Variants in FNBP1L observed in about 807,000 individuals in gnomAD.
FNBP1L encodes the protein formin-binding protein 1-like.
A neutral mutation model predicts 91.2 loss-of-function variants in FNBP1L; 36 were observed. The observed-to-expected ratio is 0.39, with a 90% CI of 0.30 to 0.52. FNBP1L has a LOEUF of 0.52. FNBP1L is among the 20% of genes least tolerant of loss of function. The pLI is 0.66. For missense variants in FNBP1L, 571 were observed against 732.1 expected, an observed-to-expected ratio of 0.78 and a Z score of 2.54; for synonymous variants, 242 against 237.0, an observed-to-expected ratio of 1.02 and a Z score of -0.19.
chr1:93,539,234 A>G (rs1459110534), intron 10 of FNBP1L, among the ~76,000 whole-genome samples: 2 of 152,012 alleles, frequency 1.3e-5, no homozygotes, highest in Non-Finnish European at 2.9e-5. Context: ...ATTTTGTCCT[A>G]TTTAAAATGA....
At position 93,533,204 on chromosome 1, in the gene FNBP1L, C is replaced by A; in HGVS notation, c.786+136C>A. On this transcript the variant is annotated intron_variant, in intron 8 of 16. Transcript: ENST00000271234. ...TTATATTCTGTAGAAGAATGTCTTGCAATAGATTCCTTTGAGTTCTGAGAT... is the reference window on the plus strand; with the variant it reads ...TTATATTCTGTAGAAGAATGTCTTGAAATAGATTCCTTTGAGTTCTGAGAT... The A allele has an allele frequency of 1.2e-5, 7 of 581,354 alleles. No individual in the cohort carries two copies. In the East Asian group the frequency reaches 2.2e-4, roughly 18 times the overall value. The allele number at this position is 581,354 out of a possible 1,614,324, so 36.0% of individuals were successfully genotyped here.
Position 93,552,461 on chromosome 1 carries a change from T to C in FNBP1L, c.*45T>C, listed in dbSNP as rs760628823. ...GGGCAAGATGTTGAAGGAGGTTACATGCAGCTGCTTTTGGGGGAGGGTATT... is the reference window on the plus strand; with the variant it reads ...GGGCAAGATGTTGAAGGAGGTTACACGCAGCTGCTTTTGGGGGAGGGTATT... On this transcript the variant is annotated 3_prime_UTR_variant, in exon 17 of 17. Coordinates refer to ENST00000271234, the MANE Select transcript of FNBP1L (RefSeq NM_001164473.3). 52 of 1,609,980 alleles carry C rather than the reference T, an allele frequency of 3.2e-5. No homozygotes were observed. In the East Asian group the frequency reaches 8.9e-4, roughly 28 times the overall value.
chr1:93,468,533 C>A (rs1479329626), intron 1 of FNBP1L, among the ~76,000 whole-genome samples: 1 of 152,180 alleles, frequency 6.6e-6, no homozygotes, highest in African/African-American at 2.4e-5. Context: ...TGGGTTCAAG[C>A]GATCCTCCCA....
intron 16 of FNBP1L, chr1:93,551,707 TAGATTTAAAG>T: frequency 1.0e-6 from 1 of 984,892 alleles, no homozygotes; most frequent in Non-Finnish European, 1.2e-6. Flanking sequence ...TCTATTTAAG[TAGATTTAAAG>T]AGAGTTTCAA....
At chr1:93,456,295 C>T (rs1444770971) in intron 1 of FNBP1L, among the ~76,000 whole-genome samples, 6 of 152,150 alleles carry the variant, frequency 3.9e-5, no homozygotes, top group African/African-American at 1.4e-4. Flanking sequence ...AACTAATCAG[C>T]AGACTTTACA....
chr1:93,453,679 A>G (rs1474793745), intron 1 of FNBP1L, among the ~76,000 whole-genome samples: 1 of 152,196 alleles, frequency 6.6e-6, no homozygotes, highest in Non-Finnish European at 1.5e-5. Context: ...GAATATATCT[A>G]TAGAATATTA....
chr1:93,514,095 C>G (rs887089367), intron 2 of FNBP1L, among the ~76,000 whole-genome samples: 3 of 151,416 alleles, frequency 2.0e-5, no homozygotes, highest in Admixed American at 6.6e-5. Flanking sequence ...AATCAATGTA[C>G]AAAAATCACA....
rs968447816 is a variant in FNBP1L, at chr1:93,526,965, A to G, written c.405+2642A>G. ...CTCTGAACTCAGTTTCAGAGAATGA[A>G]ATGTGGAAGCTTAATTTTCATAGCA... On this transcript the variant is annotated intron_variant, in intron 5 of 16. Coordinates refer to ENST00000271234, the MANE Select transcript of FNBP1L (RefSeq NM_001164473.3). Among the ~76,000 whole-genome samples the G allele has an allele frequency of 5.9e-5, 9 of 152,160 alleles. No individual in the cohort carries two copies. The South Asian group carries it at 8.3e-4, about 14-fold the overall frequency.
intron 1 of FNBP1L, among the ~76,000 whole-genome samples, chr1:93,479,133 C>T (rs1217638511): frequency 6.6e-6 from 1 of 152,184 alleles, no homozygotes; most frequent in Non-Finnish European, 1.5e-5. Flanking sequence ...TACAGCTGGG[C>T]CGCTGGGGGT....
intron 12 of FNBP1L, among the ~76,000 whole-genome samples, chr1:93,546,629 T>C (rs1336280148): frequency 6.6e-6 from 1 of 152,150 alleles, no homozygotes. Context: ...CTCTGTTCTC[T>C]TTTGGTATTC....
At chr1:93,516,594 G>T (rs1671126300) in intron 2 of FNBP1L, among the ~76,000 whole-genome samples, 1 of 152,100 alleles carries the variant, frequency 6.6e-6, no homozygotes. Flanking sequence ...GGTGAGGTCA[G>T]GAGTTTGAGA....
At chr1:93,492,917 A>G (rs367853086) in intron 1 of FNBP1L, among the ~76,000 whole-genome samples, 2 of 152,218 alleles carry the variant, frequency 1.3e-5, no homozygotes, top group African/African-American at 2.4e-5. Context: ...AACGTAAACA[A>G]TGTTTATTAA....
intron 7 of FNBP1L, among the ~76,000 whole-genome samples, chr1:93,532,205 A>G (rs1370311614): frequency 7.5e-6 from 1 of 134,146 alleles, no homozygotes; most frequent in Non-Finnish European, 1.8e-5. Context: ...GCAGTGGCTC[A>G]CGCCTGTAAT....
At chr1:93,451,274 T>A (rs1048144534) in intron 1 of FNBP1L, among the ~76,000 whole-genome samples, 2 of 152,228 alleles carry the variant, frequency 1.3e-5, no homozygotes, top group Non-Finnish European at 2.9e-5. Context: ...AGCTTTTTTT[T>A]AACAGATAGG....
intron 1 of FNBP1L, among the ~76,000 whole-genome samples, chr1:93,479,333 TAAC>T (rs921076395): frequency 1.3e-5 from 2 of 152,112 alleles, no homozygotes; most frequent in Admixed American, 6.5e-5. Context: ...AAAGCAAAGA[TAAC>T]AAGGCAAAGG....
At chr1:93,532,512 G>T (rs1327846007) in intron 7 of FNBP1L, among the ~76,000 whole-genome samples, 1 of 130,592 alleles carries the variant, frequency 7.7e-6, no homozygotes, top group South Asian at 2.8e-4. Context: ...TATATGTTAT[G>T]GGCCAGTTGC....
At chr1:93,525,703 A>G (rs1671471237) in intron 5 of FNBP1L, among the ~76,000 whole-genome samples, 3 of 152,276 alleles carry the variant, frequency 2.0e-5, no homozygotes, top group Non-Finnish European at 4.4e-5. Flanking sequence ...TAGAGGTCAT[A>G]AGAAAGAAAG....
At chr1:93,495,111 T>C (rs1057112752) in intron 1 of FNBP1L, among the ~76,000 whole-genome samples, 2 of 152,300 alleles carry the variant, frequency 1.3e-5, no homozygotes, top group Middle Eastern at 3.4e-3. Flanking sequence ...AATAGTGATA[T>C]GTGTAAAATA....
chr1:93,486,013 C>A (rs1280781191), intron 1 of FNBP1L, among the ~76,000 whole-genome samples: 2 of 152,140 alleles, frequency 1.3e-5, no homozygotes, highest in African/African-American at 4.8e-5. Context: ...ATTTATATTT[C>A]ATTTAATCTT....
Sources: allele counts gnomAD v4.1 joint callset (sites outside exome capture counted in the v4.1 genomes callset), GRCh38; gene constraint gnomAD v4.1.1; transcripts MANE v1.5; gene names NCBI Gene and HGNC (gene_info 2026-07-23, HGNC 2026-07-21).